GABARAPL2: variants seen among roughly 807,000 people sequenced by gnomAD.
GABARAPL2 encodes the protein GABA type A receptor associated protein like 2.
In GABARAPL2, 11 loss-of-function variants were observed where a neutral mutation model predicts 16.9. That is an observed-to-expected ratio of 0.65 (90% CI 0.41 to 1.08). The LOEUF (loss-of-function observed/expected upper bound fraction) is 1.08, where lower values mean the gene tolerates loss of function less well. GABARAPL2 is among the 50% of genes least tolerant of loss of function. The pLI is 0.00. For synonymous variants in GABARAPL2, 57 were observed against 50.7 expected (o/e 1.12, Z -0.53); for missense variants, 134 against 142.5 (o/e 0.94, Z 0.30).
At position 75,577,345 on chromosome 16, in the gene GABARAPL2, C is replaced by G. The variant is rs138701710; in HGVS notation, c.330C>G (p.Ser110Arg). 33 of 1,610,236 alleles carry G rather than the reference C, an allele frequency of 2.0e-5. No homozygotes were observed. The highest frequency in any genetic ancestry group is 2.8e-5 in the Non-Finnish European group (33 of 1,176,600). The part of the protein sequence containing the change: ...DEDGFLYVAY[S>R]GENTFGF ...ATGGATTCTTATATGTGGCCTACAG[C>G]GGAGAGAACACTTTTGGCTTCTGAG... Residue 110 changes from serine to arginine, a missense_variant, in exon 4 of 4, where the codon AGC becomes AGG. By Grantham distance (110) the Ser-to-Arg change is moderately radical. Transcript: ENST00000037243.
Position 75,577,354 on chromosome 16 carries a change from C to T in GABARAPL2, c.339C>T (p.Asn113=). ...GFLYVAYSGE[N]TFGF is the part of the protein sequence containing the mutation. ...TATATGTGGCCTACAGCGGAGAGAACACTTTTGGCTTCTGAGGGCCATTGC... is the reference window on the plus strand; with the variant it reads ...TATATGTGGCCTACAGCGGAGAGAATACTTTTGGCTTCTGAGGGCCATTGC... Residue 113 remains asparagine, a synonymous_variant, in exon 4 of 4, where the codon AAC becomes AAT. Transcript: ENST00000037243. 6.2e-7 allele frequency: 1 copy of T among 1,608,392 alleles called. No homozygotes were observed. The highest frequency in any genetic ancestry group is 1.7e-4 in the Middle Eastern group (1 of 6,052).
In GABARAPL2 at chr16:75,568,182, T is replaced by C; in HGVS notation, c.236T>C (p.Phe79Ser). The change falls in exon 3 of 4, where the codon TTT (phenylalanine) becomes TCT (serine). Residue 79 changes from phenylalanine (F) to serine (S), a missense_variant. By Grantham distance (155) the Phe-to-Ser change is radical (BLOSUM62 -2). Transcript: ENST00000037243. ...QLPSEKAIFL[F>S]VDKTVPQSSL... Reference sequence around the variant, plus strand: ...CCTTCTGAAAAGGCGATCTTCCTGTTTGTGGATAAGACAGTCCCACAGTCC... The same window carrying C: ...CCTTCTGAAAAGGCGATCTTCCTGTCTGTGGATAAGACAGTCCCACAGTCC... 6.2e-7 allele frequency: 1 copy of C among 1,612,910 alleles called. No homozygotes were observed.
intron 3 of GABARAPL2, among the ~76,000 whole-genome samples, chr16:75,568,704 A>T (rs1004911328): frequency 6.6e-6 from 1 of 152,232 alleles, no homozygotes; most frequent in Non-Finnish European, 1.5e-5. Flanking sequence ...GGCACAGTAA[A>T]GGGCTCTGAA....
Position 75,566,385 on chromosome 16 carries a change from C to CGCCGTCGCT in GABARAPL2, c.-97_-89dup, listed in dbSNP as rs2080881475. The CGCCGTCGCT allele has an allele frequency of 1.2e-6, 1 of 862,398 alleles. No individual in the cohort carries two copies. Among genetic ancestry groups the CGCCGTCGCT allele is most frequent in the Non-Finnish European group, 1.9e-6 (1 of 534,174 alleles). 53.4% of individuals were successfully genotyped at this position (862,398 alleles called of 1,614,324 possible). ...GAAGTCCCGCCTGCCGTGTAGTCGC[C>CGCCGTCGCT]GCCGTCGCTGCCGCTGCCGCTGCCG... is the stretch of plus-strand genomic sequence containing the variant. On this transcript the variant is annotated 5_prime_UTR_variant, in exon 1 of 4. Coordinates refer to ENST00000037243, the MANE Select transcript of GABARAPL2 (RefSeq NM_007285.7).
chr16:75,566,803 C>A lies in GABARAPL2; in HGVS notation c.35-49C>A, dbSNP rs1255576875. ...GAGGAGGAGGGCCGGGGGCCGGGAA[C>A]CGACCGGTGGGCAGGCGCGGCCGTC... On this transcript the variant is annotated intron_variant, in intron 1 of 3. Coordinates refer to ENST00000037243, the MANE Select transcript of GABARAPL2 (RefSeq NM_007285.7). 2.6e-6 allele frequency: 4 copies of A among 1,562,460 alleles called. No individual in the cohort carries two copies. In the South Asian group the frequency reaches 4.4e-5, roughly 17 times the overall value.
chr16:75,574,242 C>G (rs1597060560), intron 3 of GABARAPL2, among the ~76,000 whole-genome samples: 1 of 152,156 alleles, frequency 6.6e-6, no homozygotes. Context: ...CGAAGCTCTT[C>G]AAATGTTTCT....
chr16:75,569,081 C>G (rs773690433), intron 3 of GABARAPL2, among the ~76,000 whole-genome samples: 2 of 152,210 alleles, frequency 1.3e-5, no homozygotes, highest in African/African-American at 4.8e-5. Context: ...AGTGAAGGCT[C>G]TCAGAAGCCC....
chr16:75,569,470 G>A (rs2080902624), intron 3 of GABARAPL2, among the ~76,000 whole-genome samples: 1 of 152,220 alleles, frequency 6.6e-6, no homozygotes, highest in Non-Finnish European at 1.5e-5. Context: ...TTCACCAGGG[G>A]AGGAAGCCTT....
At chr16:75,570,750 T>C (rs911849436) in intron 3 of GABARAPL2, among the ~76,000 whole-genome samples, 13 of 152,210 alleles carry the variant, frequency 8.5e-5, no homozygotes, top group African/African-American at 3.1e-4. Flanking sequence ...TAAGTTTTAC[T>C]TCCTAAATTC....
At chr16:75,566,670 C>T (rs1295731899) in intron 1 of GABARAPL2, 150 bp downstream of exon 1, 3 of 992,252 alleles carry the variant, frequency 3.0e-6, no homozygotes, top group Middle Eastern at 3.1e-4. Context: ...GGGCAGCGGC[C>T]CCCTGACCCC....
At chr16:75,577,171 C>A in intron 3 of GABARAPL2, 108 bp from the exon 4 acceptor site, 1 of 725,406 alleles carries the variant, frequency 1.4e-6, no homozygotes. Flanking sequence ...AAGCACACAG[C>A]AGGTACTGAC....
chr16:75,567,989 G>C (rs770213702), intron 2 of GABARAPL2, 48 bp from the exon 3 acceptor site: 3 of 1,484,184 alleles, frequency 2.0e-6, no homozygotes, highest in Admixed American at 3.5e-5. Context: ...TGTGAGGCCA[G>C]AGCCTCGCTT....
At chr16:75,573,696 A>G (rs79550550) in intron 3 of GABARAPL2, among the ~76,000 whole-genome samples, 1,970 of 152,342 alleles carry the variant, frequency 0.013, 25 homozygotes, top group Non-Finnish European at 0.021. Flanking sequence ...GTTGGTACCA[A>G]CATTTGTATG....
At chr16:75,568,777 G>A (rs1198966300) in intron 3 of GABARAPL2, among the ~76,000 whole-genome samples, 2 of 152,196 alleles carry the variant, frequency 1.3e-5, no homozygotes, top group African/African-American at 4.8e-5. Context: ...CTATTGTGCT[G>A]CCTGGAAGCA....
intron 3 of GABARAPL2, among the ~76,000 whole-genome samples, chr16:75,570,103 A>AT (rs888169675): frequency 1.4e-4 from 21 of 149,844 alleles, no homozygotes; most frequent in Non-Finnish European, 1.9e-4. Flanking sequence ...CTCAGAAGTA[A>AT]TTTTTTTTTT....
chr16:75,571,830 C>CA (rs1433563202), intron 3 of GABARAPL2, among the ~76,000 whole-genome samples: 1 of 151,702 alleles, frequency 6.6e-6, no homozygotes, highest in East Asian at 2.0e-4. Flanking sequence ...CGACTGCCAC[C>CA]ACGCCCGGCT....
At chr16:75,570,887 G>C (rs1403968795) in intron 3 of GABARAPL2, among the ~76,000 whole-genome samples, 1 of 152,178 alleles carries the variant, frequency 6.6e-6, no homozygotes, top group East Asian at 1.9e-4. Flanking sequence ...GGGGAACCAT[G>C]CCTTTGTTCA....
At chr16:75,572,873 C>T (rs1041286217) in intron 3 of GABARAPL2, among the ~76,000 whole-genome samples, 1 of 152,214 alleles carries the variant, frequency 6.6e-6, no homozygotes, top group African/African-American at 2.4e-5. Flanking sequence ...GTACTTGATG[C>T]CACAGGGTGT....
At position 75,574,166 on chromosome 16, in the gene GABARAPL2, C is replaced by T. The variant is rs1397079055; in HGVS notation, c.264-3113C>T. 9.8e-5 allele frequency among the ~76,000 whole-genome samples: 15 copies of T among 152,314 alleles called. No individual in the cohort carries two copies. The South Asian group carries it at 2.5e-3, about 25-fold the overall frequency. On this transcript the variant is annotated intron_variant, in intron 3 of 3. Transcript: ENST00000037243. ...TCTCACGACCTGCCTTCAACAGTAG[C>T]GGTCCAGTGGTTATTGTTCACCCTG...
Sources: gnomAD v4.1 joint callset for allele counts (sites outside exome capture counted in the v4.1 genomes callset) on GRCh38, gnomAD v4.1.1 for gene constraint, MANE v1.5 for transcripts, NCBI Gene and HGNC (gene_info 2026-07-23, HGNC 2026-07-21) for gene names.